Variants in MIPEP observed in about 807,000 individuals in gnomAD.
MIPEP encodes mitochondrial intermediate peptidase.
In MIPEP, 79 loss-of-function variants were observed where a neutral mutation model predicts 90.3. The observed-to-expected ratio is 0.87, with a 90% CI of 0.73 to 1.05. The LOEUF is 1.05. Ranked by LOEUF, MIPEP falls within the 50% of genes least tolerant of loss-of-function variation. The probability of loss-of-function intolerance (pLI) is 0.00; values close to 1 mark genes in which losing one functional copy is unlikely to be tolerated. For synonymous variants in MIPEP, 334 were observed against 315.8 expected, an observed-to-expected ratio of 1.06 and a Z score of -0.61; for missense variants, 940 against 905.6, an observed-to-expected ratio of 1.04 and a Z score of -0.49.
chr13:23,772,915 C>T (rs896075337), intron 16 of MIPEP, among the ~76,000 whole-genome samples: 7 of 152,082 alleles, frequency 4.6e-5, no homozygotes, highest in Non-Finnish European at 8.8e-5. Flanking sequence ...ATAATTCACT[C>T]TTTTCAAGTG....
At chr13:23,881,067 A>C (rs1871251172) in intron 3 of MIPEP, among the ~76,000 whole-genome samples, 1 of 152,212 alleles carries the variant, frequency 6.6e-6, no homozygotes, top group Non-Finnish European at 1.5e-5. Flanking sequence ...TAAGTGGCTT[A>C]AAAATACTCA....
chr13:23,761,127 C>CT (rs1219595422), intron 16 of MIPEP, among the ~76,000 whole-genome samples: 2,780 of 138,954 alleles, frequency 0.02, 85 homozygotes, highest in African/African-American at 0.063. Context: ...GGAATGCATT[C>CT]TTTTTTTTTT....
intron 10 of MIPEP, among the ~76,000 whole-genome samples, chr13:23,844,829 A>C (rs901291972): frequency 6.6e-6 from 1 of 152,218 alleles, no homozygotes; most frequent in African/African-American, 2.4e-5. Context: ...TTATCTTGGA[A>C]AAAAAATTTA....
rs544372460 is a variant in MIPEP, at chr13:23,823,059, T to C, written c.1654-13135A>G. ...GCATTTTATCCAGATCCCCAGGTGATTGTGTGTTGAAGTTTTAGATACCTG... is the reference window on the plus strand; with the variant it reads ...GCATTTTATCCAGATCCCCAGGTGACTGTGTGTTGAAGTTTTAGATACCTG... On this transcript the variant is annotated intron_variant, in intron 14 of 18. Transcript: ENST00000382172. 2.6e-5 allele frequency among the ~76,000 whole-genome samples: 4 copies of C among 152,222 alleles called. No individual in the cohort carries two copies. In the East Asian group the frequency reaches 5.8e-4, roughly 22 times the overall value.
chr13:23,845,914 T>G (rs1869518099), intron 10 of MIPEP, among the ~76,000 whole-genome samples: 2 of 151,946 alleles, frequency 1.3e-5, no homozygotes, highest in Non-Finnish European at 2.9e-5. Context: ...GTTTCTCTAT[T>G]GTTTTTAATT....
chr13:23,753,620 C>T (rs1952463661), intron 18 of MIPEP, among the ~76,000 whole-genome samples: 1 of 152,154 alleles, frequency 6.6e-6, no homozygotes, highest in Non-Finnish European at 1.5e-5. Context: ...TGGCCTTTAA[C>T]TGATGAATGT....
rs551778778 is a variant in MIPEP, at chr13:23,748,823, C to T, written c.2044+7722G>A. On this transcript the variant is annotated intron_variant, in intron 18 of 18. Transcript: ENST00000382172. ...GGCATTTATTTATGCTGCGCCTCCACATACCTGGAGGCACAGATGCTGCTG... is the reference window on the plus strand; with the variant it reads ...GGCATTTATTTATGCTGCGCCTCCATATACCTGGAGGCACAGATGCTGCTG... 2.5e-4 allele frequency among the ~76,000 whole-genome samples: 38 copies of T among 152,330 alleles called. 1 individual carries two copies. Among genetic ancestry groups the T allele is most frequent in the Admixed American group, 7.2e-4 (11 of 15,302 alleles).
intron 14 of MIPEP, among the ~76,000 whole-genome samples, chr13:23,824,261 T>C (rs1953341507): frequency 6.6e-6 from 1 of 152,242 alleles, no homozygotes; most frequent in African/African-American, 2.4e-5. Context: ...TAACATTACA[T>C]TAAAAGTTTG....
Position 23,830,437 on chromosome 13 carries a change from A to C in MIPEP, c.1653+5803T>G, listed in dbSNP as rs144699395. ...GCACTATGCTTTCCTCTGGGAGGCAAGCGGGGCAGAGATGGGTTCAGAGAA... is the reference window on the plus strand; with the variant it reads ...GCACTATGCTTTCCTCTGGGAGGCACGCGGGGCAGAGATGGGTTCAGAGAA... On this transcript the variant is annotated intron_variant, in intron 14 of 18. Transcript: ENST00000382172. Among the ~76,000 whole-genome samples, 574 of 152,320 alleles carry C rather than the reference A, an allele frequency of 3.8e-3. 2 individuals are homozygous for C. The highest frequency in any genetic ancestry group is 0.013 in the African/African-American group (544 of 41,574).
At chr13:23,831,204 T>G (rs1185868547) in intron 14 of MIPEP, among the ~76,000 whole-genome samples, 1 of 152,054 alleles carries the variant, frequency 6.6e-6, no homozygotes, top group Non-Finnish European at 1.5e-5. Context: ...GTATCAGACT[T>G]TTGCTCATTT....
chr13:23,789,307 T>C (rs1397728146), intron 16 of MIPEP, among the ~76,000 whole-genome samples: 1 of 152,266 alleles, frequency 6.6e-6, no homozygotes, highest in African/African-American at 2.4e-5. Context: ...TTCTTCCATT[T>C]CTATTACATT....
chr13:23,881,745 C>T lies in MIPEP; in HGVS notation c.406G>A (p.Glu136Lys). Reference protein sequence around the residue: ...KIAHPEPAFREAAEEACRSIG... With the variant: ...KIAHPEPAFRKAAEEACRSIG... ...CTTCTACAAGCTTCTTCCGCAGCTTCTCTGAATGCTGGCTCAGGGTGAGCG... is the reference window on the plus strand; with the variant it reads ...CTTCTACAAGCTTCTTCCGCAGCTTTTCTGAATGCTGGCTCAGGGTGAGCG... Residue 136 changes from glutamate to lysine, a missense_variant, in exon 3 of 19, where the codon GAA (glutamate) becomes AAA (lysine). Transcript: ENST00000382172. 6.2e-7 allele frequency: 1 copy of T among 1,614,076 alleles called. No individual in the cohort carries two copies. The highest frequency in any genetic ancestry group is 8.5e-7 in the Non-Finnish European group (1 of 1,179,972).
intron 18 of MIPEP, among the ~76,000 whole-genome samples, chr13:23,746,826 C>T (rs1952389244): frequency 6.6e-6 from 1 of 152,034 alleles, no homozygotes; most frequent in African/African-American, 2.4e-5. Flanking sequence ...AATGAATCTA[C>T]TACAAGATAT....
intron 16 of MIPEP, among the ~76,000 whole-genome samples, chr13:23,774,760 C>A (rs916623011): frequency 2.0e-5 from 3 of 149,932 alleles, no homozygotes; most frequent in Non-Finnish European, 4.4e-5. Flanking sequence ...TACCATGCAA[C>A]CCTGCTGAAC....
chr13:23,888,140 T>C (rs7321329), intron 1 of MIPEP: 7,895 of 438,444 alleles, frequency 0.018, 514 homozygotes, highest in African/African-American at 0.14. Flanking sequence ...ATTAGTTATA[T>C]CTCATCCACC....
intron 16 of MIPEP, among the ~76,000 whole-genome samples, chr13:23,776,671 T>A (rs914093019): frequency 6.6e-6 from 1 of 152,120 alleles, no homozygotes; most frequent in African/African-American, 2.4e-5. Context: ...AACATCTCTA[T>A]CGGAAAAAGG....
intron 16 of MIPEP, among the ~76,000 whole-genome samples, chr13:23,762,573 T>TAAG (rs1380795011): frequency 6.6e-6 from 1 of 152,144 alleles, no homozygotes; most frequent in South Asian, 2.1e-4. Context: ...CCTCTTTCTG[T>TAAG]AAGAAGATAT....
intron 10 of MIPEP, among the ~76,000 whole-genome samples, chr13:23,846,053 G>C (rs766501301): frequency 1.3e-5 from 2 of 151,676 alleles, no homozygotes; most frequent in Non-Finnish European, 2.9e-5. Flanking sequence ...ACTTTTGGTA[G>C]ATACGGGCCT....
At chr13:23,856,439 C>T (rs769135292) in intron 10 of MIPEP, among the ~76,000 whole-genome samples, 1 of 152,122 alleles carries the variant, frequency 6.6e-6, no homozygotes, top group Non-Finnish European at 1.5e-5. Context: ...TCCTACAGTG[C>T]GCCCAGAGCC....
Sources: allele counts gnomAD v4.1 joint callset (sites outside exome capture counted in the v4.1 genomes callset), GRCh38; gene constraint gnomAD v4.1.1; transcripts MANE v1.5; gene names NCBI Gene and HGNC (gene_info 2026-07-23, HGNC 2026-07-21).